The following TRPC7 variants were observed in gnomAD, a reference collection of about 807,000 sequenced individuals.
The protein encoded by TRPC7 is transient receptor potential cation channel subfamily C member 7.
A neutral mutation model predicts 90.1 loss-of-function variants in TRPC7; 42 were observed. The ratio of observed to expected loss-of-function variants is 0.47; its 90% CI spans 0.36 to 0.60. The LOEUF (loss-of-function observed/expected upper bound fraction) is 0.60, where lower values mean the gene tolerates loss of function less well. Among genes scored for constraint, TRPC7 ranks in the 20% least tolerant of loss-of-function variants. The pLI is 0.00. For missense variants in TRPC7, 955 were observed against 1,112.3 expected (o/e 0.86, Z 2.01); for synonymous variants, 451 against 436.3 (o/e 1.03, Z -0.42).
chr5:136,251,604 C>T (rs757357309), intron 6 of TRPC7, 45 bp downstream of exon 6: 66 of 1,477,080 alleles, frequency 4.5e-5, no homozygotes, highest in Non-Finnish European at 6.0e-5. Flanking sequence ...AGGCCCACGT[C>T]CCGGAAGCGC....
intron 7 of TRPC7, among the ~76,000 whole-genome samples, chr5:136,238,374 G>A (rs1487493839): frequency 6.6e-6 from 1 of 152,192 alleles, no homozygotes; most frequent in Non-Finnish European, 1.5e-5. Context: ...TGTCCAGCTT[G>A]TAGCTGGGGG....
At chr5:136,312,857 G>A (rs1439294571) in intron 3 of TRPC7, among the ~76,000 whole-genome samples, 2 of 152,032 alleles carry the variant, frequency 1.3e-5, no homozygotes, top group Non-Finnish European at 1.5e-5. Context: ...AGACATAGAG[G>A]CTGATTATAG....
intron 3 of TRPC7, among the ~76,000 whole-genome samples, chr5:136,311,384 GT>G (rs1436277644): frequency 6.6e-6 from 1 of 152,194 alleles, no homozygotes; most frequent in Non-Finnish European, 1.5e-5. Flanking sequence ...CTGGGTCTCT[GT>G]TCCCTGTCAC....
intron 10 of TRPC7, chr5:136,222,031 G>A (rs1275649039): frequency 6.6e-6 from 1 of 152,152 alleles, no homozygotes; most frequent in Non-Finnish European, 1.5e-5. Context: ...GCATACTTTG[G>A]CCATCTCACC....
intron 2 of TRPC7, among the ~76,000 whole-genome samples, chr5:136,343,863 C>CA (rs1019453147): frequency 2.0e-5 from 3 of 151,776 alleles, no homozygotes; most frequent in African/African-American, 7.3e-5. Flanking sequence ...AGAACACTTG[C>CA]AAAAAAGGTA....
intron 7 of TRPC7, among the ~76,000 whole-genome samples, chr5:136,232,311 G>C (rs1264665922): frequency 6.6e-6 from 1 of 152,172 alleles, no homozygotes; most frequent in Non-Finnish European, 1.5e-5. Context: ...GTCCACACAG[G>C]AGGATGGCAT....
At chr5:136,230,771 T>C (rs2149796913) in intron 8 of TRPC7, among the ~76,000 whole-genome samples, 1 of 152,318 alleles carries the variant, frequency 6.6e-6, no homozygotes, top group African/African-American at 2.4e-5. Context: ...TTGTTCTGTT[T>C]TTAAATGGCC....
In TRPC7 at chr5:136,364,243, C is replaced by T. The variant is rs114503326; in HGVS notation, c.2+1010G>A. 4.1e-3 allele frequency among the ~76,000 whole-genome samples: 631 copies of T among 152,302 alleles called. 5 individuals are homozygous for T. The highest frequency in any genetic ancestry group is 0.015 in the African/African-American group (606 of 41,566). On this transcript the variant is annotated intron_variant, in intron 1 of 11. Transcript: ENST00000513104. Reference sequence around the variant, plus strand: ...TTCTGATTTTTTTCTGGGTTAATTACTGCCTAAAGGAGTTATCTAGTCTAC... The same window carrying T: ...TTCTGATTTTTTTCTGGGTTAATTATTGCCTAAAGGAGTTATCTAGTCTAC...
At chr5:136,356,392 G>A (rs1043390575) in intron 2 of TRPC7, among the ~76,000 whole-genome samples, 7 of 152,134 alleles carry the variant, frequency 4.6e-5, no homozygotes, top group Admixed American at 1.3e-4. Flanking sequence ...ACTTCTTACC[G>A]CATTCATGTA....
Position 136,273,439 on chromosome 5 carries a change from T to C in TRPC7, c.1128+1234A>G, listed in dbSNP as rs144534885. ...CCTCAATAGATGTAAGGTTGAATAC[T>C]GTAAAAGTTCAGTAAGAGGGCTTCC... On this transcript the variant is annotated intron_variant, in intron 4 of 11. Transcript: ENST00000513104. Among the ~76,000 whole-genome samples the C allele has an allele frequency of 4.2e-4, 64 of 152,312 alleles. No homozygotes were observed. The East Asian group carries it at 7.7e-3, about 18-fold the overall frequency.
rs149330809 is a variant in TRPC7 at position 136,349,363 on chromosome 5, C to T, written c.780+7245G>A. On this transcript the variant is annotated intron_variant, in intron 2 of 11. Transcript: ENST00000513104. Reference sequence around the variant, plus strand: ...GAAGCTTAACAGAAATCAGCAAGACCCTCTGAATAGAGGAGGTGCTGAATT... The same window carrying T: ...GAAGCTTAACAGAAATCAGCAAGACTCTCTGAATAGAGGAGGTGCTGAATT... Among the ~76,000 whole-genome samples, 1,288 of 152,222 alleles carry T rather than the reference C, an allele frequency of 8.5e-3. 8 individuals carry two copies. The highest frequency in any genetic ancestry group is 0.016 in the Admixed American group (238 of 15,292).
At chr5:136,349,991 G>C (rs1393055011) in intron 2 of TRPC7, among the ~76,000 whole-genome samples, 1 of 152,138 alleles carries the variant, frequency 6.6e-6, no homozygotes, top group Non-Finnish European at 1.5e-5. Context: ...GTTGTCTACA[G>C]TGTTCAGTAT....
chr5:136,286,976 G>C (rs552900809), intron 3 of TRPC7, among the ~76,000 whole-genome samples: 1 of 152,140 alleles, frequency 6.6e-6, no homozygotes, highest in African/African-American at 2.4e-5. Context: ...TGAAATTACT[G>C]TCTCAAAATC....
chr5:136,338,773 C>G (rs1161326740), intron 2 of TRPC7, among the ~76,000 whole-genome samples: 7 of 151,920 alleles, frequency 4.6e-5, no homozygotes, highest in Non-Finnish European at 1.0e-4. Context: ...TAAATGGGAC[C>G]CTATCTTGGA....
At chr5:136,304,287 G>A (rs57100096) in intron 3 of TRPC7, among the ~76,000 whole-genome samples, 28,297 of 151,618 alleles carry the variant, frequency 0.19, 4,258 homozygotes, top group African/African-American at 0.41. Flanking sequence ...CCCTTACCCC[G>A]CTCAATGCCA....
At chr5:136,306,088 T>C (rs901061689) in intron 3 of TRPC7, among the ~76,000 whole-genome samples, 4 of 152,220 alleles carry the variant, frequency 2.6e-5, no homozygotes, top group Non-Finnish European at 5.9e-5. Flanking sequence ...TACTTATACA[T>C]GCCCTGCTCT....
At chr5:136,337,663 CA>C (rs55856709) in intron 2 of TRPC7, among the ~76,000 whole-genome samples, 52,597 of 121,474 alleles carry the variant, frequency 0.43, 9,640 homozygotes, top group Middle Eastern at 0.57. Flanking sequence ...GAGACTCCAT[CA>C]AAAAAAAAAA....
chr5:136,346,987 G>T (rs180706450), intron 2 of TRPC7, among the ~76,000 whole-genome samples: 13 of 152,288 alleles, frequency 8.5e-5, no homozygotes, highest in Admixed American at 7.2e-4. Flanking sequence ...TATCAGAAGA[G>T]AATTAACATA....
intron 2 of TRPC7, among the ~76,000 whole-genome samples, chr5:136,340,508 G>A (rs1759813031): frequency 1.3e-5 from 2 of 152,120 alleles, no homozygotes; most frequent in South Asian, 4.2e-4. Flanking sequence ...AACCTGATTT[G>A]ATCATTATAT....
Sources: allele counts gnomAD v4.1 joint callset (sites outside exome capture counted in the v4.1 genomes callset), GRCh38; gene constraint gnomAD v4.1.1; transcripts MANE v1.5; gene names NCBI Gene and HGNC (gene_info 2026-07-23, HGNC 2026-07-21).